The following NELL1 variants were observed in gnomAD, a reference collection of about 807,000 sequenced individuals.
NELL1 encodes the protein protein kinase C-binding protein NELL1.
NELL1 carries 76 observed loss-of-function variants against 107.4 expected under a neutral mutation model. That is an observed-to-expected ratio of 0.71 (90% CI 0.59 to 0.86). The LOEUF is 0.86. Among genes scored for constraint, NELL1 ranks in the 40% least tolerant of loss-of-function variants. NELL1 has a pLI of 0.00. For synonymous variants in NELL1, 353 were observed against 341.2 expected, an observed-to-expected ratio of 1.03 and a Z score of -0.38; for missense variants, 1,024 against 1,005.5, an observed-to-expected ratio of 1.02 and a Z score of -0.25.
At chr11:21,252,425 C>T (rs1170075430) in intron 14 of NELL1, among the ~76,000 whole-genome samples, 3 of 152,108 alleles carry the variant, frequency 2.0e-5, no homozygotes, top group Non-Finnish European at 4.4e-5. Context: ...AGACCAGAGA[C>T]TTGACACCAA....
intron 15 of NELL1, among the ~76,000 whole-genome samples, chr11:21,385,916 C>T (rs1350007943): frequency 6.6e-6 from 1 of 151,748 alleles, no homozygotes; most frequent in African/African-American, 2.4e-5. Context: ...TCTCTAGTTT[C>T]CTTCTCCTTC....
chr11:21,549,488 T>C (rs982601619), intron 16 of NELL1, among the ~76,000 whole-genome samples: 3 of 151,894 alleles, frequency 2.0e-5, no homozygotes, highest in Admixed American at 2.0e-4. Context: ...GTCTTAACCT[T>C]CCAAGAGAAC....
intron 14 of NELL1, among the ~76,000 whole-genome samples, chr11:21,309,266 A>ATATACATATATATG (rs1849677371): frequency 1.6e-4 from 6 of 38,084 alleles, no homozygotes; most frequent in African/African-American, 4.8e-4. Flanking sequence ...ATATGTATAT[A>ATATACATATATATG]TATATATATA....
At chr11:20,732,926 C>A (rs1855681062) in intron 2 of NELL1, among the ~76,000 whole-genome samples, 1 of 152,148 alleles carries the variant, frequency 6.6e-6, no homozygotes, top group Non-Finnish European at 1.5e-5. Context: ...GTGGGGAACA[C>A]AAAGGCTAGT....
intron 15 of NELL1, among the ~76,000 whole-genome samples, chr11:21,503,429 A>T (rs765115267): frequency 5.3e-4 from 80 of 152,182 alleles, no homozygotes; most frequent in Non-Finnish European, 1.5e-4. Context: ...TTTCTCATTA[A>T]ATAAAAGAAC....
chr11:21,377,977 A>T (rs1286349858), intron 15 of NELL1, among the ~76,000 whole-genome samples: 1 of 151,946 alleles, frequency 6.6e-6, no homozygotes, highest in Non-Finnish European at 1.5e-5. Flanking sequence ...GCATTGTAGG[A>T]TGTTTAACAT....
chr11:21,489,956 A>C (rs1854757639), intron 15 of NELL1, among the ~76,000 whole-genome samples: 1 of 152,104 alleles, frequency 6.6e-6, no homozygotes, highest in African/African-American at 2.4e-5. Flanking sequence ...CAAAACAATC[A>C]GACAAGAAAA....
At chr11:21,186,867 A>G (rs1856946200) in intron 13 of NELL1, among the ~76,000 whole-genome samples, 1 of 151,860 alleles carries the variant, frequency 6.6e-6, no homozygotes, top group South Asian at 2.1e-4. Flanking sequence ...CAAACCCTCA[A>G]TCTGTTCTGA....
At chr11:21,361,059 C>T (rs971318346) in intron 14 of NELL1, among the ~76,000 whole-genome samples, 1 of 152,100 alleles carries the variant, frequency 6.6e-6, no homozygotes, top group African/African-American at 2.4e-5. Flanking sequence ...TTTACAAGTC[C>T]TGTGAAATGT....
At chr11:21,105,478 G>A (rs753261254) in intron 12 of NELL1, among the ~76,000 whole-genome samples, 6 of 152,104 alleles carry the variant, frequency 3.9e-5, no homozygotes, top group African/African-American at 1.4e-4. Flanking sequence ...CCATTGCCAT[G>A]TTGCCTGCTC....
chr11:20,697,413 C>G (rs998326771), intron 2 of NELL1, among the ~76,000 whole-genome samples: 5 of 47,122 alleles, frequency 1.1e-4, no homozygotes, highest in Non-Finnish European at 2.4e-4. Flanking sequence ...TTTTTTTTTC[C>G]TGCCAGGAAA....
At chr11:20,961,398 G>A (rs1275498698) in intron 12 of NELL1, among the ~76,000 whole-genome samples, 2 of 152,056 alleles carry the variant, frequency 1.3e-5, no homozygotes, top group Admixed American at 6.6e-5. Flanking sequence ...AGTGATGGCT[G>A]GGCTATTTTT....
chr11:20,937,129 G>T (rs1850743154), intron 9 of NELL1, among the ~76,000 whole-genome samples: 1 of 152,226 alleles, frequency 6.6e-6, no homozygotes, highest in African/African-American at 2.4e-5. Flanking sequence ...ATGAGTTTCA[G>T]TGCAATCTAA....
intron 3 of NELL1, among the ~76,000 whole-genome samples, chr11:20,814,597 G>A (rs1857582668): frequency 6.6e-6 from 1 of 152,174 alleles, no homozygotes; most frequent in Non-Finnish European, 1.5e-5. Flanking sequence ...ACGTCCTTCA[G>A]CTACGTCCAT....
intron 9 of NELL1, among the ~76,000 whole-genome samples, chr11:20,930,870 C>T (rs1850604376): frequency 1.3e-5 from 2 of 149,488 alleles, no homozygotes; most frequent in African/African-American, 5.0e-5. Context: ...CTAATTTTCT[C>T]ACAGCTCTGA....
In NELL1 at chr11:21,012,100, C is replaced by T. The variant is rs530866228; in HGVS notation, c.1300+51540C>T. 3.9e-5 allele frequency among the ~76,000 whole-genome samples: 6 copies of T among 152,168 alleles called. No homozygotes were observed. The East Asian group carries it at 7.8e-4, about 20-fold the overall frequency. Reference sequence around the variant, plus strand: ...CCATATTAAGAGTCCAACCCAATGTCGAATAACATAGGCCACCCCCAAGTT... The same window carrying T: ...CCATATTAAGAGTCCAACCCAATGTTGAATAACATAGGCCACCCCCAAGTT... On this transcript the variant is annotated intron_variant, in intron 12 of 19. Transcript: ENST00000357134.
chr11:20,728,900 A>C (rs12364532), intron 2 of NELL1, among the ~76,000 whole-genome samples: 1 of 152,050 alleles, frequency 6.6e-6, no homozygotes, highest in Admixed American at 6.5e-5. Flanking sequence ...TCTGGGCAGT[A>C]TGGCCATGTT....
intron 13 of NELL1, among the ~76,000 whole-genome samples, chr11:21,173,234 T>C (rs1225524082): frequency 1.3e-5 from 2 of 151,614 alleles, no homozygotes; most frequent in Non-Finnish European, 2.9e-5. Flanking sequence ...TACGTGACGG[T>C]AGGAGGCAAA....
intron 2 of NELL1, among the ~76,000 whole-genome samples, chr11:20,741,888 C>T (rs1302053157): frequency 6.6e-6 from 1 of 152,174 alleles, no homozygotes; most frequent in Non-Finnish European, 1.5e-5. Flanking sequence ...TGGAGTCATG[C>T]TTCTTAAACT....
Sources: allele counts gnomAD v4.1 joint callset (sites outside exome capture counted in the v4.1 genomes callset), GRCh38; gene constraint gnomAD v4.1.1; transcripts MANE v1.5; gene names NCBI Gene and HGNC (gene_info 2026-07-23, HGNC 2026-07-21).